XPO1: variants seen among roughly 807,000 people sequenced by gnomAD.
XPO1 encodes the protein exportin 1.
A neutral mutation model predicts 133.3 loss-of-function variants in XPO1; 5 were observed. That is an observed-to-expected ratio of 0.04 (90% CI 0.02 to 0.08). The LOEUF (loss-of-function observed/expected upper bound fraction) is 0.08. Among genes scored for constraint, XPO1 ranks in the 10% least tolerant of loss-of-function variants. The pLI is 1.00. For missense variants in XPO1, 506 were observed against 1,267.5 expected, an observed-to-expected ratio of 0.40 and a Z score of 9.12; for synonymous variants, 419 against 408.2, an observed-to-expected ratio of 1.03 and a Z score of -0.32.
rs575801822 is a variant in XPO1 at position 61,522,353 on chromosome 2, T to C, written c.301+258A>G. ...ATTACAGGCGTGGGCCACTGTGCCA[T>C]AGCCCATATTTTTAACTAGAATATT... On this transcript the variant is annotated intron_variant, in intron 4 of 24. Transcript: ENST00000401558. Among the ~76,000 whole-genome samples the C allele has an allele frequency of 2.7e-3, 413 of 152,314 alleles. 1 individual carries two copies. Among genetic ancestry groups the C allele is most frequent in the Non-Finnish European group, 5.2e-3 (357 of 68,028 alleles).
At chr2:61,524,452 T>C (rs1039598782) in intron 3 of XPO1, among the ~76,000 whole-genome samples, 2 of 152,190 alleles carry the variant, frequency 1.3e-5, no homozygotes, top group African/African-American at 4.8e-5. Flanking sequence ...TTGATGAAGA[T>C]ACAATTCATA....
chr2:61,482,325 G>A lies in XPO1; in HGVS notation c.2972+55C>T, dbSNP rs1022146772. Reference sequence around the variant, plus strand: ...TTCCCAAAGTGCTGGGATTACAGGTGTGAGCCACTGTGCCCGACCAGGAAC... The same window carrying A: ...TTCCCAAAGTGCTGGGATTACAGGTATGAGCCACTGTGCCCGACCAGGAAC... On this transcript the variant is annotated intron_variant, in intron 23 of 24. Transcript: ENST00000401558. 4 of 1,496,682 alleles carry A rather than the reference G, an allele frequency of 2.7e-6. No individual in the cohort carries two copies. In the African/African-American group the frequency reaches 5.7e-5, roughly 21 times the overall value. The allele number at this position is 1,496,682 out of a possible 1,614,324, so 92.7% of individuals were successfully genotyped here.
rs185819922 is a variant in XPO1 at position 61,527,597 on chromosome 2, T to C, written c.127-1076A>G. ...TCTCTAAATACAAAAATACATTTCA[T>C]GGAAAGACTGCTGAAAACTAGGTCT... is the stretch of plus-strand genomic sequence containing the variant. On this transcript the variant is annotated intron_variant, in intron 2 of 24. Coordinates refer to ENST00000401558, the MANE Select transcript of XPO1 (RefSeq NM_003400.4). 2.6e-5 allele frequency among the ~76,000 whole-genome samples: 4 copies of C among 152,312 alleles called. No individual in the cohort carries two copies. In the East Asian group the frequency reaches 5.8e-4, roughly 22 times the overall value.
At chr2:61,530,421 GA>G (rs1372671128) in intron 2 of XPO1, among the ~76,000 whole-genome samples, 6 of 152,132 alleles carry the variant, frequency 3.9e-5, no homozygotes, top group Admixed American at 6.5e-5. Context: ...ACTAAAGAGA[GA>G]AAACCTAGCA....
At position 61,537,567 on chromosome 2, in the gene XPO1, G is replaced by A. The variant is rs1468925183; in HGVS notation, c.-12C>T. Reference sequence around the variant, plus strand: ...CGAAGACACAGTCGACTTACCCAGAGATTGAACCAACTGCTCCTTCCTTCC... The same window carrying A: ...CGAAGACACAGTCGACTTACCCAGAAATTGAACCAACTGCTCCTTCCTTCC... On this transcript the variant is annotated 5_prime_UTR_variant, in exon 1 of 25. Coordinates refer to ENST00000401558, the MANE Select transcript of XPO1 (RefSeq NM_003400.4). 6.6e-6 allele frequency: 1 copy of A among 151,194 alleles called. No individual in the cohort carries two copies. Among genetic ancestry groups the A allele is most frequent in the Non-Finnish European group, 1.5e-5 (1 of 67,452 alleles). The allele number at this position is 151,194 out of a possible 1,614,324, so 9.4% of individuals were successfully genotyped here. A position where few individuals can be genotyped will look rare whatever the true frequency, so the allele number is the denominator to read the frequency against.
rs779255343 is a variant in XPO1 at position 61,478,922 on chromosome 2, T to C, written c.3114A>G (p.Arg1038=). ...CATCAGCCTGCCGTAGGGCTATTTCTCTCTCTTCCAAAAACAAATCAGAAG... is the reference window on the plus strand; with the variant it reads ...CATCAGCCTGCCGTAGGGCTATTTCCCTCTCTTCCAAAAACAAATCAGAAG... ...EDTSDLFLEE[R]EIALRQADEE... is the part of the protein sequence containing the mutation. The change falls in exon 25 of 25, where the codon AGA becomes AGG. Residue 1038 remains arginine (R), a synonymous_variant. Coordinates refer to ENST00000401558, the MANE Select transcript of XPO1 (RefSeq NM_003400.4). 6.2e-7 allele frequency: 1 copy of C among 1,614,142 alleles called. No homozygotes were observed. The highest frequency in any genetic ancestry group is 2.2e-5 in the East Asian group (1 of 44,864).
rs1573089620 is a variant in XPO1, at chr2:61,478,535, G to T, written c.*285C>A. 2.9e-6 allele frequency: 1 copy of T among 346,340 alleles called. No homozygotes were observed. Among genetic ancestry groups the T allele is most frequent in the South Asian group, 8.0e-5 (1 of 12,538 alleles). 21.5% of individuals were successfully genotyped at this position (346,340 alleles called of 1,614,324 possible). A position where few individuals can be genotyped will look rare whatever the true frequency, so the allele number is the denominator to read the frequency against. ...ACAAGTATATGTTCAAATCGAATTT[G>T]CCTCCTCCCCCCAGCCCAGCCACAA... On this transcript the variant is annotated 3_prime_UTR_variant, in exon 25 of 25. Coordinates refer to ENST00000401558, the MANE Select transcript of XPO1 (RefSeq NM_003400.4).
intron 12 of XPO1, chr2:61,493,405 G>A: frequency 5.2e-6 from 1 of 193,180 alleles, no homozygotes; most frequent in Non-Finnish European, 1.1e-5. Flanking sequence ...TACTTGGGAG[G>A]CTGACACAAG....
intron 23 of XPO1, among the ~76,000 whole-genome samples, chr2:61,482,057 T>A (rs113655904): frequency 5.6e-5 from 4 of 71,728 alleles, no homozygotes; most frequent in South Asian, 6.2e-4. Flanking sequence ...TTTTTTTTTT[T>A]GCTTTTTTAA....
chr2:61,520,510 G>A (rs368656970), intron 4 of XPO1, among the ~76,000 whole-genome samples: 3 of 151,856 alleles, frequency 2.0e-5, no homozygotes, highest in African/African-American at 7.3e-5. Flanking sequence ...AATTTAGTAG[G>A]GCATGGTGGG....
chr2:61,522,833 T>C, intron 3 of XPO1, 150 bp from the exon 4 acceptor site: 1 of 636,988 alleles, frequency 1.6e-6, no homozygotes, highest in Non-Finnish European at 2.8e-6. Context: ...TAAACAAGTA[T>C]CTATTCACCC....
At chr2:61,520,241 T>C (rs572076040) in intron 4 of XPO1, among the ~76,000 whole-genome samples, 1 of 152,320 alleles carries the variant, frequency 6.6e-6, no homozygotes, top group African/African-American at 2.4e-5. Context: ...ATTTATGTAA[T>C]TTCCAATACC....
intron 19 of XPO1, among the ~76,000 whole-genome samples, chr2:61,486,735 C>T (rs938230742): frequency 2.0e-5 from 3 of 152,130 alleles, no homozygotes; most frequent in Non-Finnish European, 2.9e-5. Flanking sequence ...CTAATGAATG[C>T]TAACTGGTGA....
intron 4 of XPO1, among the ~76,000 whole-genome samples, chr2:61,509,978 T>A (rs1011868796): frequency 6.6e-6 from 1 of 152,166 alleles, no homozygotes; most frequent in African/African-American, 2.4e-5. Flanking sequence ...CAAGTATCAG[T>A]CCATGAAAAC....
chr2:61,493,207 G>A (rs914155871), intron 12 of XPO1, 154 bp from the exon 13 acceptor site: 18 of 672,926 alleles, frequency 2.7e-5, no homozygotes, highest in African/African-American at 1.9e-4. Flanking sequence ...CCGGAGGGCC[G>A]AGGCAAAAAG....
intron 4 of XPO1, among the ~76,000 whole-genome samples, chr2:61,519,929 T>C (rs1423007058): frequency 6.6e-6 from 1 of 152,170 alleles, no homozygotes; most frequent in African/African-American, 2.4e-5. Context: ...ATTCTGTTCT[T>C]TTAGCTTGTG....
chr2:61,522,051 C>T (rs956100192), intron 4 of XPO1, among the ~76,000 whole-genome samples: 11 of 152,076 alleles, frequency 7.2e-5, no homozygotes, highest in African/African-American at 2.7e-4. Context: ...AGCCACTGTG[C>T]CCGGCCCATA....
Position 61,480,355 on chromosome 2 carries a change from C to T in XPO1, c.3069+830G>A, listed in dbSNP as rs1046558214. 2.1e-5 allele frequency: 3 copies of T among 144,388 alleles called. No homozygotes were observed. In the Admixed American group the frequency reaches 2.2e-4, roughly 10 times the overall value. The allele number at this position is 144,388 out of a possible 1,614,324, so 8.9% of individuals were successfully genotyped here. On this transcript the variant is annotated intron_variant, in intron 24 of 24. Coordinates refer to ENST00000401558, the MANE Select transcript of XPO1 (RefSeq NM_003400.4). Reference sequence around the variant, plus strand: ...AGTGCAATGACGTGATCTCGGCTCACCGCAACCTTTGCCTCGTGGGTTCAA... The same window carrying T: ...AGTGCAATGACGTGATCTCGGCTCATCGCAACCTTTGCCTCGTGGGTTCAA...
intron 1 of XPO1, chr2:61,536,139 G>A (rs1287817235): frequency 2.6e-5 from 4 of 152,178 alleles, no homozygotes; most frequent in Admixed American, 2.6e-4. Context: ...ATTTAGAATA[G>A]AAGGATTTAA....
Sources: allele counts gnomAD v4.1 joint callset (sites outside exome capture counted in the v4.1 genomes callset), GRCh38; gene constraint gnomAD v4.1.1; transcripts MANE v1.5; gene names NCBI Gene and HGNC (gene_info 2026-07-23, HGNC 2026-07-21).